Variants in ZFHX3 observed in about 807,000 individuals in gnomAD.
ZFHX3 encodes zinc finger homeobox 3.
ZFHX3 carries 42 observed loss-of-function variants against 279.1 expected under a neutral mutation model. The ratio of observed to expected loss-of-function variants is 0.15; its 90% CI spans 0.12 to 0.19. ZFHX3 has a LOEUF of 0.19. ZFHX3 is among the 10% of genes least tolerant of loss of function. ZFHX3 has a pLI of 1.00. For missense variants in ZFHX3, 4,981 were observed against 4,754.0 expected (o/e 1.05, Z -1.40); for synonymous variants, 2,293 against 1,957.8 (o/e 1.17, Z -4.52).
chr16:73,798,026 C>G (rs1960044825), intron 1 of ZFHX3, among the ~76,000 whole-genome samples: 2 of 152,002 alleles, frequency 1.3e-5, no homozygotes, highest in Non-Finnish European at 2.9e-5. Flanking sequence ...CCAGGCTGGT[C>G]TCAAACTCCT....
At chr16:73,073,004 C>T (rs528448988) in intron 8 of ZFHX3, among the ~76,000 whole-genome samples, 2 of 152,148 alleles carry the variant, frequency 1.3e-5, no homozygotes, top group South Asian at 4.2e-4. Flanking sequence ...TTAAGCGATT[C>T]TCCTGCCTTA....
At chr16:73,038,295 G>A (rs556614899) in intron 1 of ZFHX3, among the ~76,000 whole-genome samples, 8 of 152,324 alleles carry the variant, frequency 5.3e-5, no homozygotes, top group East Asian at 3.9e-4. Flanking sequence ...GGAGGCTGGG[G>A]GAGCTTCCCT....
At position 73,108,436 on chromosome 16, in the gene ZFHX3, C is replaced by T. The variant is rs12922844; in HGVS notation, c.-896-14838G>A. On this transcript the variant is annotated intron_variant, in intron 7 of 17. Coordinates refer to the ZFHX3 transcript ENST00000641206. Reference sequence around the variant, plus strand: ...TTTTTTGTTTGTTTTGAGGGTATTGCTCTGTTGCCTAGGCTAGAGTGCAGT... The same window carrying T: ...TTTTTTGTTTGTTTTGAGGGTATTGTTCTGTTGCCTAGGCTAGAGTGCAGT... Among the ~76,000 whole-genome samples the T allele has an allele frequency of 2.6e-5, 4 of 152,036 alleles. No homozygotes were observed. In the South Asian group the frequency reaches 8.3e-4, roughly 32 times the overall value.
intron 3 of ZFHX3, among the ~76,000 whole-genome samples, chr16:72,948,458 C>G (rs1190596383): frequency 1.3e-5 from 2 of 152,158 alleles, no homozygotes. Flanking sequence ...TAAACCTCGT[C>G]TCTTCCAACC....
chr16:72,895,763 G>A (rs961577803), intron 3 of ZFHX3, among the ~76,000 whole-genome samples: 1 of 152,214 alleles, frequency 6.6e-6, no homozygotes, highest in Non-Finnish European at 1.5e-5. Context: ...GGTGGAGGCT[G>A]AAGGGAGGTA....
chr16:73,818,837 A>G (rs528941727), intron 1 of ZFHX3, among the ~76,000 whole-genome samples: 1 of 152,356 alleles, frequency 6.6e-6, no homozygotes, highest in South Asian at 2.1e-4. Flanking sequence ...TGATTAGTCA[A>G]AGAAGTTCAG....
At chr16:73,046,128 G>T (rs940131801) in intron 1 of ZFHX3, among the ~76,000 whole-genome samples, 2 of 152,180 alleles carry the variant, frequency 1.3e-5, no homozygotes, top group African/African-American at 4.8e-5. Context: ...CTCTCTGAAA[G>T]GGTGCCTGCA....
At chr16:73,018,480 T>G (rs1964184514) in intron 1 of ZFHX3, among the ~76,000 whole-genome samples, 1 of 152,014 alleles carries the variant, frequency 6.6e-6, no homozygotes, top group Non-Finnish European at 1.5e-5. Flanking sequence ...TAGCCTGTAG[T>G]CCCAGCTACT....
chr16:72,958,530 A>C lies in ZFHX3; in HGVS notation c.1616T>G (p.Val539Gly), dbSNP rs776672213. ...TGTGCCCCTCGACAGGGTCTGGAGC[A>C]CGTTAGGCATTAAGGGGGAGTTAGA... is the stretch of plus-strand genomic sequence containing the variant. Reference protein sequence around the residue: ...SISNSPLMPNVLQTLSRGTAS... With the variant: ...SISNSPLMPNGLQTLSRGTAS... Residue 539 changes from valine (V) to glycine (G), a missense_variant, in exon 2 of 10, where the codon GTG becomes GGG. Coordinates refer to ENST00000268489, the MANE Select transcript of ZFHX3 (RefSeq NM_006885.4). 6.2e-7 allele frequency: 1 copy of C among 1,614,092 alleles called. No homozygotes were observed. The highest frequency in any genetic ancestry group is 2.2e-5 in the East Asian group (1 of 44,862).
intron 2 of ZFHX3, among the ~76,000 whole-genome samples, chr16:73,575,351 C>T (rs2051788848): frequency 6.6e-6 from 1 of 152,208 alleles, no homozygotes; most frequent in Non-Finnish European, 1.5e-5. Flanking sequence ...GGACCTTTCA[C>T]AATCTCCCTG....
At chr16:73,228,075 C>A (rs1022738753) in intron 5 of ZFHX3, among the ~76,000 whole-genome samples, 1 of 152,060 alleles carries the variant, frequency 6.6e-6, no homozygotes, top group African/African-American at 2.4e-5. Context: ...GACTTTAGCA[C>A]GTAGTGCCAT....
At chr16:72,898,017 A>G (rs1158135877) in intron 3 of ZFHX3, among the ~76,000 whole-genome samples, 1 of 152,232 alleles carries the variant, frequency 6.6e-6, no homozygotes, top group Non-Finnish European at 1.5e-5. Flanking sequence ...AAATCCTTCC[A>G]GGGGTAACGC....
intron 3 of ZFHX3, among the ~76,000 whole-genome samples, chr16:72,933,525 G>A (rs1959935373): frequency 6.6e-6 from 1 of 151,942 alleles, no homozygotes; most frequent in Non-Finnish European, 1.5e-5. Context: ...CCACCCAGCT[G>A]CTGAAATTAA....
chr16:73,846,921 G>T (rs1410775111), intron 1 of ZFHX3, among the ~76,000 whole-genome samples: 1 of 151,916 alleles, frequency 6.6e-6, no homozygotes, highest in African/African-American at 2.4e-5. Context: ...TTTTAAACTT[G>T]TTTTTAAATA....
At chr16:72,941,388 T>C (rs983562791) in intron 3 of ZFHX3, among the ~76,000 whole-genome samples, 3 of 152,208 alleles carry the variant, frequency 2.0e-5, no homozygotes, top group African/African-American at 7.2e-5. Context: ...GGAAGCCACA[T>C]AGCTCTCTTT....
intron 1 of ZFHX3, among the ~76,000 whole-genome samples, chr16:73,872,735 T>C (rs2029865722): frequency 2.1e-5 from 2 of 95,094 alleles, no homozygotes; most frequent in African/African-American, 4.3e-5. Context: ...TTAGCTACTC[T>C]GGTGGTGGTG....
upstream of ZFHX3, among the ~76,000 whole-genome samples, chr16:73,051,869 C>G (rs1458429106): frequency 6.6e-6 from 1 of 152,130 alleles, no homozygotes; most frequent in Non-Finnish European, 1.5e-5. Flanking sequence ...GGGAATTTGC[C>G]ATGCAAGACT....
rs1460557785 is a variant in ZFHX3, at chr16:73,301,158, G to A, written c.-1194+17082C>T. ...GGATAACTTCAAAATAGAAATTCTT[G>A]GGGCCATCCCTACAGAGGTTGGTTT... On this transcript the variant is annotated intron_variant, in intron 4 of 17. Transcript: ENST00000641206. 3.9e-5 allele frequency among the ~76,000 whole-genome samples: 6 copies of A among 152,276 alleles called. No homozygotes were observed. In the South Asian group the frequency reaches 1.0e-3, roughly 26 times the overall value.
chr16:73,589,608 T>C (rs555004063), intron 2 of ZFHX3, among the ~76,000 whole-genome samples: 2 of 151,004 alleles, frequency 1.3e-5, no homozygotes, highest in African/African-American at 2.4e-5. Flanking sequence ...TGGGTGCCTG[T>C]AGTCCCAGCT....
Sources: gnomAD v4.1 joint callset for allele counts (sites outside exome capture counted in the v4.1 genomes callset) on GRCh38, gnomAD v4.1.1 for gene constraint, MANE v1.5 for transcripts, NCBI Gene and HGNC (gene_info 2026-07-23, HGNC 2026-07-21) for gene names.